The following DNMBP variants were observed in gnomAD, a reference collection of about 807,000 sequenced individuals.
The protein encoded by DNMBP is dynamin-binding protein.
A neutral mutation model predicts 150.0 loss-of-function variants in DNMBP; 87 were observed. The observed-to-expected ratio is 0.58, with a 90% CI of 0.49 to 0.69. DNMBP has a LOEUF of 0.69. Among genes scored for constraint, DNMBP ranks in the 30% least tolerant of loss-of-function variants. The pLI, the probability that DNMBP is intolerant of heterozygous loss-of-function variation, is 0.00. For synonymous variants in DNMBP, 711 were observed against 750.4 expected (o/e 0.95, Z 0.86); for missense variants, 1,774 against 1,949.0 (o/e 0.91, Z 1.69).
chr10:100,004,260 T>A (rs1044906623), intron 1 of DNMBP, among the ~76,000 whole-genome samples: 11 of 150,110 alleles, frequency 7.3e-5, no homozygotes, highest in African/African-American at 2.4e-4. Flanking sequence ...AAAAAATATA[T>A]ATATATAAAT....
intron 4 of DNMBP, among the ~76,000 whole-genome samples, chr10:99,926,785 G>A (rs2040082955): frequency 6.6e-6 from 1 of 152,202 alleles, no homozygotes; most frequent in Non-Finnish European, 1.5e-5. Context: ...GAACCCCGTG[G>A]AAAGCTGGAG....
At chr10:99,937,667 T>C (rs1463054549) in intron 4 of DNMBP, among the ~76,000 whole-genome samples, 1 of 152,132 alleles carries the variant, frequency 6.6e-6, no homozygotes, top group Non-Finnish European at 1.5e-5. Context: ...CACCATTCTC[T>C]CTTTGTTTCC....
intron 4 of DNMBP, among the ~76,000 whole-genome samples, chr10:99,914,622 G>A (rs148172031): frequency 1.1e-4 from 16 of 152,272 alleles, no homozygotes; most frequent in African/African-American, 3.6e-4. Flanking sequence ...CAGGAACTGG[G>A]AGTCCCGCTC....
intron 4 of DNMBP, among the ~76,000 whole-genome samples, chr10:99,932,440 G>C (rs1194793463): frequency 1.3e-5 from 2 of 152,156 alleles, no homozygotes; most frequent in South Asian, 2.1e-4. Flanking sequence ...CAAAGCACAT[G>C]TGTTGTAAAT....
At chr10:99,946,578 T>A (rs1462836811) in intron 4 of DNMBP, among the ~76,000 whole-genome samples, 1 of 152,194 alleles carries the variant, frequency 6.6e-6, no homozygotes, top group Non-Finnish European at 1.5e-5. Flanking sequence ...GAAACTGGAC[T>A]TCCATCTCTC....
rs77930532 is a variant in DNMBP, at chr10:99,940,637, G to A, written c.2260+14577C>T. On this transcript the variant is annotated intron_variant, in intron 4 of 16. Transcript: ENST00000324109. The stretch of plus-strand genomic sequence containing the variant: ...ACTTCCGCTGGCACCTCAATCCAAC[G>A]TCCCCTGCTGCCACTACCCTATTTT... Among the ~76,000 whole-genome samples the A allele has an allele frequency of 6.4e-4, 98 of 152,202 alleles. 1 individual carries two copies. In the East Asian group the frequency reaches 0.017, roughly 26 times the overall value.
rs974439181 is a variant in DNMBP, at chr10:100,005,401, TA to T, written c.-11+4436del. Reference sequence around the variant, plus strand: ...CAATGGATGCAAACAGCATGGGGTATAAATGCAGCATTCCAAAGCAGAGAAT... The same window carrying T: ...CAATGGATGCAAACAGCATGGGGTATAATGCAGCATTCCAAAGCAGAGAAT... On this transcript the variant is annotated intron_variant, in intron 1 of 16. Transcript: ENST00000324109. 1.6e-4 allele frequency among the ~76,000 whole-genome samples: 24 copies of T among 152,096 alleles called. 1 individual carries two copies. Among genetic ancestry groups the T allele is most frequent in the Non-Finnish European group, 1.5e-5 (1 of 68,030 alleles).
intron 1 of DNMBP, among the ~76,000 whole-genome samples, chr10:99,981,738 C>T (rs1372050766): frequency 6.6e-6 from 1 of 152,172 alleles, no homozygotes; most frequent in Non-Finnish European, 1.5e-5. Context: ...CAAGGCCTCC[C>T]CCATCTCTGG....
chr10:99,946,960 T>C (rs975789451), intron 4 of DNMBP, among the ~76,000 whole-genome samples: 3 of 151,864 alleles, frequency 2.0e-5, no homozygotes, highest in African/African-American at 4.8e-5. Flanking sequence ...CCAACAAATA[T>C]ATGAAAAAAA....
intron 15 of DNMBP, among the ~76,000 whole-genome samples, chr10:99,881,122 G>A (rs2805490): frequency 0.13 from 20,033 of 151,988 alleles, 1,945 homozygotes; most frequent in African/African-American, 0.27. Flanking sequence ...CAGCTACTCA[G>A]GAGGCTAAGG....
chr10:99,919,068 A>G (rs1259172342), intron 4 of DNMBP, among the ~76,000 whole-genome samples: 2 of 152,206 alleles, frequency 1.3e-5, no homozygotes, highest in Non-Finnish European at 2.9e-5. Flanking sequence ...CCGATGTTCT[A>G]TTTTACCAAG....
intron 3 of DNMBP, among the ~76,000 whole-genome samples, chr10:99,958,911 A>C (rs2040529879): frequency 6.6e-6 from 1 of 152,274 alleles, no homozygotes; most frequent in Admixed American, 6.5e-5. Flanking sequence ...AGAAATTACC[A>C]ATCGTTGAAT....
chr10:99,937,148 CT>C (rs778565029), intron 4 of DNMBP, among the ~76,000 whole-genome samples: 11 of 152,056 alleles, frequency 7.2e-5, no homozygotes, highest in Non-Finnish European at 1.6e-4. Flanking sequence ...GACCTGATCA[CT>C]CCTCAAGTGA....
At chr10:99,989,693 A>G (rs2040866111) in intron 1 of DNMBP, among the ~76,000 whole-genome samples, 1 of 152,150 alleles carries the variant, frequency 6.6e-6, no homozygotes, top group South Asian at 2.1e-4. Flanking sequence ...CCTGGGCAAC[A>G]AGAGCGAAAC....
At chr10:100,005,571 T>C (rs995344058) in intron 1 of DNMBP, among the ~76,000 whole-genome samples, 27 of 151,878 alleles carry the variant, frequency 1.8e-4, no homozygotes, top group African/African-American at 6.5e-4. Flanking sequence ...CTGGCCAACA[T>C]GGTGAAACCC....
chr10:99,991,363 C>T (rs2040889317), intron 1 of DNMBP, among the ~76,000 whole-genome samples: 4 of 151,982 alleles, frequency 2.6e-5, no homozygotes, highest in African/African-American at 9.7e-5. Flanking sequence ...AGGCGTGAGC[C>T]ACCGCGGCCG....
chr10:99,879,983 G>C lies in DNMBP; in HGVS notation c.4376C>G (p.Pro1459Arg). 1 of 1,614,218 alleles carries C rather than the reference G, an allele frequency of 6.2e-7. No individual in the cohort carries two copies. Among genetic ancestry groups the C allele is most frequent in the Non-Finnish European group, 8.5e-7 (1 of 1,180,042 alleles). The change falls in exon 16 of 17, where the codon CCC (proline) becomes CGC (arginine). Residue 1459 changes from proline (P) to arginine (R), a missense_variant. Physicochemically the swap from Pro to Arg is moderately radical, Grantham distance 103. Coordinates refer to ENST00000324109, the MANE Select transcript of DNMBP (RefSeq NM_015221.4). Reference protein sequence around the residue: ...SADVARDVKQPTATPRSYRNF... With the variant: ...SADVARDVKQRTATPRSYRNF... ...CCGGTAGCTCCTCGGCGTGGCAGTG[G>C]GTTGCTTTACATCTCTAGCTACATC...
At position 99,909,190 on chromosome 10, in the gene DNMBP, G is replaced by T. The variant is rs968768747; in HGVS notation, c.2261-44C>A. ...CTGGTTAGCAGCTCTGGGTGTAAAA[G>T]CAGCACCCTTCCACAGTTTGAGGCA... On this transcript the variant is annotated intron_variant, in intron 4 of 16. Transcript: ENST00000324109. 4 of 1,516,362 alleles carry T rather than the reference G, an allele frequency of 2.6e-6. No homozygotes were observed. The East Asian group carries it at 6.8e-5, about 26-fold the overall frequency. 93.9% of individuals were successfully genotyped at this position (1,516,362 alleles called of 1,614,324 possible).
At chr10:99,964,748 G>A (rs2040602191) in intron 3 of DNMBP, among the ~76,000 whole-genome samples, 1 of 151,702 alleles carries the variant, frequency 6.6e-6, no homozygotes, top group African/African-American at 2.4e-5. Flanking sequence ...GCACACACCT[G>A]TAATCCCAGC....
Sources: gnomAD v4.1 joint callset for allele counts (sites outside exome capture counted in the v4.1 genomes callset) on GRCh38, gnomAD v4.1.1 for gene constraint, MANE v1.5 for transcripts, NCBI Gene and HGNC (gene_info 2026-07-23, HGNC 2026-07-21) for gene names.